Variants in COL25A1 observed in about 807,000 individuals in gnomAD.
The protein encoded by COL25A1 is collagen type XXV alpha 1 chain, also known as collagen alpha-1(XXV) chain.
COL25A1 carries 103 observed loss-of-function variants against 128.4 expected under a neutral mutation model. The observed-to-expected ratio is 0.80, with a 90% CI of 0.68 to 0.94. The LOEUF (loss-of-function observed/expected upper bound fraction) is 0.94, where lower values mean the gene tolerates loss of function less well. COL25A1 is among the 40% of genes least tolerant of loss of function. The pLI is 0.00. For missense variants in COL25A1, 745 were observed against 840.0 expected, an observed-to-expected ratio of 0.89 and a Z score of 1.40; for synonymous variants, 279 against 277.2, an observed-to-expected ratio of 1.01 and a Z score of -0.06.
At chr4:109,263,545 T>C (rs947472975) in intron 3 of COL25A1, among the ~76,000 whole-genome samples, 8 of 152,174 alleles carry the variant, frequency 5.3e-5, no homozygotes, top group Non-Finnish European at 1.0e-4. Flanking sequence ...AGTTAAATAT[T>C]AGAAAGAATT....
chr4:109,059,035 A>G (rs1012923431), intron 3 of COL25A1, among the ~76,000 whole-genome samples: 3 of 152,332 alleles, frequency 2.0e-5, no homozygotes, highest in Admixed American at 2.0e-4. Context: ...TAGTGCAGGA[A>G]TGATAGAGTA....
intron 3 of COL25A1, among the ~76,000 whole-genome samples, chr4:109,150,703 A>G (rs769886733): frequency 6.6e-6 from 1 of 152,154 alleles, no homozygotes; most frequent in Non-Finnish European, 1.5e-5. Context: ...ACAAATTTCA[A>G]TGCTGGAAAA....
At chr4:109,134,703 T>C (rs1769542615) in intron 3 of COL25A1, among the ~76,000 whole-genome samples, 2 of 152,050 alleles carry the variant, frequency 1.3e-5, no homozygotes, top group East Asian at 1.9e-4. Context: ...ATGAACTAGA[T>C]GGACGGTGAA....
intron 10 of COL25A1, among the ~76,000 whole-genome samples, chr4:108,938,380 G>A (rs867536764): frequency 6.6e-6 from 1 of 152,068 alleles, no homozygotes; most frequent in Admixed American, 6.5e-5. Flanking sequence ...TATAGATATT[G>A]CTGGTCTTTC....
intron 8 of COL25A1, among the ~76,000 whole-genome samples, chr4:108,968,190 A>T (rs974360860): frequency 6.6e-6 from 1 of 152,218 alleles, no homozygotes; most frequent in Admixed American, 6.5e-5. Flanking sequence ...TTATTATATT[A>T]CACCTAAAAC....
chr4:109,146,713 T>C (rs1274330566), intron 3 of COL25A1, among the ~76,000 whole-genome samples: 1 of 152,238 alleles, frequency 6.6e-6, no homozygotes, highest in African/African-American at 2.4e-5. Context: ...TGGTGATGCA[T>C]TCCATGTCCC....
At chr4:109,145,572 C>G (rs573942247) in intron 3 of COL25A1, among the ~76,000 whole-genome samples, 3 of 152,346 alleles carry the variant, frequency 2.0e-5, no homozygotes, top group Admixed American at 2.0e-4. Flanking sequence ...GGAGCAATGG[C>G]TCACGCCTGC....
intron 3 of COL25A1, among the ~76,000 whole-genome samples, chr4:109,182,071 G>A (rs1774703352): frequency 1.3e-5 from 2 of 151,942 alleles, no homozygotes; most frequent in Admixed American, 1.3e-4. Context: ...TGTGTATATA[G>A]GCCACATTTT....
rs935650012 is a variant in COL25A1 at position 108,828,191 on chromosome 4, A to G, written c.1711-1003T>C. On this transcript the variant is annotated intron_variant, in intron 32 of 37. Transcript: ENST00000399132. ...AGTCTTGCTCTGTTGCCCGGGCTAGAGTGCAGTGGCACAATCTCGGCTCAC... is the reference window on the plus strand; with the variant it reads ...AGTCTTGCTCTGTTGCCCGGGCTAGGGTGCAGTGGCACAATCTCGGCTCAC... 5.9e-5 allele frequency among the ~76,000 whole-genome samples: 9 copies of G among 152,252 alleles called. No homozygotes were observed. In the South Asian group the frequency reaches 1.5e-3, roughly 25 times the overall value.
chr4:109,075,164 A>G (rs1343827173), intron 3 of COL25A1, among the ~76,000 whole-genome samples: 1 of 152,212 alleles, frequency 6.6e-6, no homozygotes, highest in Non-Finnish European at 1.5e-5. Flanking sequence ...TCCAGGAAAC[A>G]TCAGCATTTT....
At chr4:109,025,392 T>TG (rs1758161080) in intron 5 of COL25A1, among the ~76,000 whole-genome samples, 2 of 152,216 alleles carry the variant, frequency 1.3e-5, no homozygotes, top group African/African-American at 4.8e-5. Context: ...TAATGTGTGC[T>TG]ATGTTGATTG....
At chr4:108,860,421 T>G (rs10049929) in intron 23 of COL25A1, among the ~76,000 whole-genome samples, 2,399 of 152,236 alleles carry the variant, frequency 0.016, 60 homozygotes, top group African/African-American at 0.054. Context: ...AACATTGTTC[T>G]GTAGAAAAAT....
rs372608218 is a variant in COL25A1, at chr4:109,301,747, C to A, written c.273G>T (p.Glu91Asp). Residue 91 changes from glutamate to aspartate, a missense_variant, in exon 2 of 38, where the codon GAG (glutamate) becomes GAT (aspartate). By Grantham distance (45) the Glu-to-Asp change is conservative. Around this residue, in one of 3 missense-constraint regions of COL25A1, gnomAD observed 319 missense variants for 324.9 expected, o/e 0.98. Transcript: ENST00000399132. ...TLDHLKTMVQ[E>D]KVERLLAQKS... ...CCTGAGCCAGAAGTCGCTCCACTTTCTCTTGCACCATAGTCTTGAGGTGAT... is the reference window on the plus strand; with the variant it reads ...CCTGAGCCAGAAGTCGCTCCACTTTATCTTGCACCATAGTCTTGAGGTGAT... 3 of 1,613,982 alleles carry A rather than the reference C, an allele frequency of 1.9e-6. No individual in the cohort carries two copies. In the African/African-American group the frequency reaches 4.0e-5, roughly 22 times the overall value.
intron 3 of COL25A1, among the ~76,000 whole-genome samples, chr4:109,284,607 G>T (rs1435750310): frequency 6.6e-6 from 1 of 152,158 alleles, no homozygotes; most frequent in Non-Finnish European, 1.5e-5. Context: ...GGGGCTCTGT[G>T]CTGAACTTTC....
At chr4:109,003,982 A>G (rs888066852) in intron 6 of COL25A1, among the ~76,000 whole-genome samples, 1 of 151,916 alleles carries the variant, frequency 6.6e-6, no homozygotes, top group African/African-American at 2.4e-5. Context: ...TTGATTCAGG[A>G]GATTCACAGC....
chr4:109,177,180 G>GTAGA (rs1774180796), intron 3 of COL25A1, among the ~76,000 whole-genome samples: 1 of 152,158 alleles, frequency 6.6e-6, no homozygotes, highest in Non-Finnish European at 1.5e-5. Flanking sequence ...ATGGAACATG[G>GTAGA]TAGAGTCTGT....
At chr4:108,988,322 G>T (rs1157591998) in intron 6 of COL25A1, among the ~76,000 whole-genome samples, 1 of 152,018 alleles carries the variant, frequency 6.6e-6, no homozygotes, top group Non-Finnish European at 1.5e-5. Context: ...ACAATACATC[G>T]GGACCAAAAT....
chr4:108,934,489 A>C (rs558613602), intron 11 of COL25A1, among the ~76,000 whole-genome samples: 5 of 152,298 alleles, frequency 3.3e-5, no homozygotes, highest in Admixed American at 1.3e-4. Flanking sequence ...TATAGTAAAA[A>C]TAATAATAAA....
intron 6 of COL25A1, among the ~76,000 whole-genome samples, chr4:109,005,572 A>T (rs546662892): frequency 1.3e-5 from 2 of 152,324 alleles, no homozygotes; most frequent in East Asian, 3.9e-4. Context: ...AGTACCTAAA[A>T]CATATCCCCA....
Sources: allele counts gnomAD v4.1 joint callset (sites outside exome capture counted in the v4.1 genomes callset), GRCh38; gene constraint gnomAD v4.1.1; regional missense constraint gnomAD v4.1.1; transcripts MANE v1.5; gene names NCBI Gene and HGNC (gene_info 2026-07-23, HGNC 2026-07-21).